The following KCNG2 variants were observed in gnomAD, a reference collection of about 807,000 sequenced individuals.
KCNG2 encodes voltage-gated potassium channel regulatory subunit KCNG2.
KCNG2 carries 7 observed loss-of-function variants against 12.3 expected under a neutral mutation model. That is an observed-to-expected ratio of 0.57 (90% CI 0.32 to 1.07). The LOEUF (loss-of-function observed/expected upper bound fraction) is 1.07. Ranked by LOEUF, KCNG2 falls within the 50% of genes least tolerant of loss-of-function variation. The probability of loss-of-function intolerance (pLI) is 0.04; values close to 1 mark genes in which losing one functional copy is unlikely to be tolerated. For missense variants in KCNG2, 703 were observed against 726.0 expected, an observed-to-expected ratio of 0.97 and a Z score of 0.36; for synonymous variants, 414 against 351.4, an observed-to-expected ratio of 1.18 and a Z score of -1.99.
At position 79,899,826 on chromosome 18, in the gene KCNG2, C is replaced by G; in HGVS notation, c.*10C>G. The G allele has an allele frequency of 1.5e-6, 2 of 1,356,428 alleles. No individual in the cohort carries two copies. The highest frequency in any genetic ancestry group is 6.1e-5 in the East Asian group (2 of 33,006). 84.0% of individuals were successfully genotyped at this position (1,356,428 alleles called of 1,614,324 possible). ...GCGGGCAGGGCGCTGACGCCTGCGC[C>G]GCCCACACGGAGACCCCCTGCCCCC... On this transcript the variant is annotated 3_prime_UTR_variant, in exon 4 of 4. Coordinates refer to ENST00000316249, the MANE Select transcript of KCNG2 (RefSeq NM_012283.2).
chr18:79,881,428 A>G (rs1378209088), intron 3 of KCNG2, among the ~76,000 whole-genome samples: 3 of 152,240 alleles, frequency 2.0e-5, no homozygotes, highest in African/African-American at 7.2e-5. Flanking sequence ...GGAAACCCAC[A>G]ACAAAGCTTA....
At chr18:79,855,552 A>G (rs1240415196) in intron 1 of KCNG2, among the ~76,000 whole-genome samples, 3 of 152,102 alleles carry the variant, frequency 2.0e-5, no homozygotes, top group Non-Finnish European at 4.4e-5. Context: ...ATCACCCACC[A>G]AAATTCCAGC....
At position 79,899,221 on chromosome 18, in the gene KCNG2, G is replaced by A; in HGVS notation, c.806G>A (p.Gly269Glu). ...LLPFYVSLLL[G>E]LAAGPGGTKL... ...CCGTTCTACGTGTCGCTGCTGCTGG[G>A]GCTGGCGGCAGGCCCGGGCGGGACC... The change falls in exon 4 of 4, where the codon GGG becomes GAG. Residue 269 changes from glycine to glutamate, a missense_variant. Physicochemically the swap from Gly to Glu is moderately conservative, Grantham distance 98. Coordinates refer to ENST00000316249, the MANE Select transcript of KCNG2 (RefSeq NM_012283.2). 6.2e-7 allele frequency: 1 copy of A among 1,601,602 alleles called. No individual in the cohort carries two copies. The highest frequency in any genetic ancestry group is 8.5e-7 in the Non-Finnish European group (1 of 1,179,120).
chr18:79,850,548 T>C (rs181096994), intron 1 of KCNG2, among the ~76,000 whole-genome samples: 1 of 152,380 alleles, frequency 6.6e-6, no homozygotes, highest in East Asian at 1.9e-4. Context: ...CTCATGACGT[T>C]CTCTTCTCTA....
chr18:79,880,956 T>C (rs2034868346), intron 3 of KCNG2, among the ~76,000 whole-genome samples: 1 of 152,230 alleles, frequency 6.6e-6, no homozygotes, highest in South Asian at 2.1e-4. Flanking sequence ...GGAATTTCCT[T>C]TTCCTGATAG....
rs1301017362 is a variant in KCNG2 at position 79,836,696 on chromosome 18, GGAGA to G, written c.-114-19675_-114-19672del. 2.6e-5 allele frequency among the ~76,000 whole-genome samples: 4 copies of G among 152,144 alleles called. No homozygotes were observed. The East Asian group carries it at 7.7e-4, about 29-fold the overall frequency. ...GCAAGACCTTCTTCACATGGCTGCA[GGAGA>G]GAGAGAGTGAGTGAAGGGGAAGTGC... On this transcript the variant is annotated intron_variant, in intron 1 of 3. Coordinates refer to ENST00000316249, the MANE Select transcript of KCNG2 (RefSeq NM_012283.2).
At chr18:79,898,502 G>A (rs1418133496) in intron 3 of KCNG2, among the ~76,000 whole-genome samples, 2 of 152,218 alleles carry the variant, frequency 1.3e-5, no homozygotes, top group Admixed American at 1.3e-4. Flanking sequence ...GGAGCTGAGG[G>A]CGGAATGTGA....
intron 1 of KCNG2, among the ~76,000 whole-genome samples, chr18:79,814,775 A>C (rs965098021): frequency 6.6e-6 from 1 of 152,214 alleles, no homozygotes; most frequent in African/African-American, 2.4e-5. Flanking sequence ...TAATTCTAAA[A>C]ATGTATATGT....
Position 79,900,031 on chromosome 18 carries a change from GCCC to G in KCNG2, c.*217_*219del, listed in dbSNP as rs1420732630. On this transcript the variant is annotated 3_prime_UTR_variant, in exon 4 of 4. Coordinates refer to ENST00000316249, the MANE Select transcript of KCNG2 (RefSeq NM_012283.2). ...CAAAGTCACTGGCCTTTGTCCTCCT[GCCC>G]CACCCCTTTCCTTGGATTTTTAATT... The G allele has an allele frequency of 5.3e-6, 2 of 375,456 alleles. No homozygotes were observed. The highest frequency in any genetic ancestry group is 9.4e-6 in the Non-Finnish European group (2 of 213,258). The allele number at this position is 375,456 out of a possible 1,614,324, so 23.3% of individuals were successfully genotyped here. A position where few individuals can be genotyped will look rare whatever the true frequency, so the allele number is the denominator to read the frequency against.
intron 3 of KCNG2, among the ~76,000 whole-genome samples, chr18:79,866,671 T>G (rs1979576256): frequency 1.6e-5 from 1 of 62,086 alleles, no homozygotes; most frequent in Non-Finnish European, 4.7e-5. Context: ...GAGGTCTGGG[T>G]GCTGAGAGGT....
rs547540639 is a variant in KCNG2, at chr18:79,884,814, C to T, written c.625-14226C>T. Among the ~76,000 whole-genome samples the T allele has an allele frequency of 1.5e-4, 23 of 152,304 alleles. No homozygotes were observed. Among genetic ancestry groups the T allele is most frequent in the African/African-American group, 5.1e-4 (21 of 41,556 alleles). ...CTCGGGAGCGGTTTACCCACAGGTT[C>T]CTGTGCGTGGGAGCAAACTTGCTTT... On this transcript the variant is annotated intron_variant, in intron 3 of 3. Transcript: ENST00000316249. This position sits in a 1 kb window ranked among gnomAD's most constrained non-coding sequence, Gnocchi z 5.5.
At chr18:79,877,420 G>A (rs1158006339) in intron 3 of KCNG2, among the ~76,000 whole-genome samples, 5 of 152,160 alleles carry the variant, frequency 3.3e-5, no homozygotes, top group Non-Finnish European at 4.4e-5. Context: ...CAGCAGCCAA[G>A]GGATGCAGAA....
intron 1 of KCNG2, among the ~76,000 whole-genome samples, chr18:79,805,217 G>A (rs146850038): frequency 4.9e-4 from 75 of 152,302 alleles, no homozygotes; most frequent in African/African-American, 1.7e-3. Flanking sequence ...GTCGTTTCTC[G>A]GGAAAGCTGT....
At chr18:79,834,950 AGTCT>A (rs987327878) in intron 1 of KCNG2, among the ~76,000 whole-genome samples, 1 of 152,134 alleles carries the variant, frequency 6.6e-6, no homozygotes, top group African/African-American at 2.4e-5. Context: ...GTTTATACTG[AGTCT>A]GTCTAACAGA....
In KCNG2 at chr18:79,884,798, G is replaced by A. The variant is rs1599430087; in HGVS notation, c.625-14242G>A. Among the ~76,000 whole-genome samples, 4 of 152,278 alleles carry A rather than the reference G, an allele frequency of 2.6e-5. No individual in the cohort carries two copies. Among genetic ancestry groups the A allele is most frequent in the Non-Finnish European group, 4.4e-5 (3 of 68,018 alleles). ...TCCTGGGGCCCAGGAACTCGGGAGC[G>A]GTTTACCCACAGGTTCCTGTGCGTG... On this transcript the variant is annotated intron_variant, in intron 3 of 3. Coordinates refer to ENST00000316249, the MANE Select transcript of KCNG2 (RefSeq NM_012283.2). This position sits in a 1 kb window ranked among gnomAD's most constrained non-coding sequence, Gnocchi z 5.5.
intron 1 of KCNG2, among the ~76,000 whole-genome samples, chr18:79,851,617 AGT>A (rs56055150): frequency 1.8e-4 from 28 of 151,662 alleles, no homozygotes; most frequent in South Asian, 4.2e-4. Context: ...GGTGTGTGAG[AGT>A]GTGTGTGTAT....
Position 79,899,370 on chromosome 18 carries a change from G to A in KCNG2, c.955G>A (p.Ala319Thr), listed in dbSNP as rs201538204. ...RSLGLTMRRC[A>T]REFGLLLLFL... ...GCTGGGCCTGACCATGCGCCGCTGCGCGCGCGAGTTCGGGCTGCTGCTGCT... is the reference window on the plus strand; with the variant it reads ...GCTGGGCCTGACCATGCGCCGCTGCACGCGCGAGTTCGGGCTGCTGCTGCT... Residue 319 changes from alanine to threonine, a missense_variant, in exon 4 of 4, where the codon GCG becomes ACG. Ala to Thr is a moderately conservative substitution (Grantham distance 58, BLOSUM62 0). Transcript: ENST00000316249. 1.1e-3 allele frequency: 1,751 copies of A among 1,557,968 alleles called. 26 individuals are homozygous for A. The South Asian group carries it at 0.014, about 13-fold the overall frequency.
At chr18:79,859,627 G>A (rs1979142289) in intron 2 of KCNG2, among the ~76,000 whole-genome samples, 1 of 152,186 alleles carries the variant, frequency 6.6e-6, no homozygotes, top group Non-Finnish European at 1.5e-5. Context: ...CCGACACTGG[G>A]TATCAAATTC....
chr18:79,818,510 T>C (rs1202074065), intron 1 of KCNG2, among the ~76,000 whole-genome samples: 1 of 152,082 alleles, frequency 6.6e-6, no homozygotes, highest in Admixed American at 6.5e-5. Flanking sequence ...CTGAGAATTA[T>C]GTTCCTGAGA....
Sources: gnomAD v4.1 joint callset for allele counts (sites outside exome capture counted in the v4.1 genomes callset) on GRCh38, gnomAD v4.1.1 for gene constraint, Gnocchi (gnomAD v3.1) non-coding constraint, MANE v1.5 for transcripts, NCBI Gene and HGNC (gene_info 2026-07-23, HGNC 2026-07-21) for gene names.